CLCN4: variants seen among roughly 807,000 people sequenced by gnomAD.
CLCN4 encodes H(+)/Cl(-) exchange transporter 4.
CLCN4 carries 1 observed loss-of-function variant against 41.7 expected under a neutral mutation model. The ratio of observed to expected loss-of-function variants is 0.02; its 90% CI spans 0.01 to 0.11. The LOEUF (loss-of-function observed/expected upper bound fraction) is 0.11, where lower values mean the gene tolerates loss of function less well. Ranked by LOEUF, CLCN4 falls within the 10% of genes least tolerant of loss-of-function variation. The pLI is 1.00. For missense variants in CLCN4, 287 were observed against 661.0 expected (o/e 0.43, Z 6.20); for synonymous variants, 277 against 285.8 (o/e 0.97, Z 0.31).
intron 4 of CLCN4, among the ~76,000 whole-genome samples, chrX:10,189,410 A>G (rs1923898060): frequency 9.0e-6 from 1 of 111,394 alleles, no homozygotes; most frequent in Non-Finnish European, 1.9e-5. Flanking sequence ...CCCTGGCTTC[A>G]CTTAAACAGT....
Position 10,191,082 on chromosome X carries a change from T to G in CLCN4, c.244+3468T>G, listed in dbSNP as rs765450404. ...CCATTTAAAGTATACAATTCAGTGG[T>G]TTTTAATGTATCACAGAGTTGTACA... On this transcript the variant is annotated intron_variant, in intron 4 of 12. Coordinates refer to ENST00000380833, the MANE Select transcript of CLCN4 (RefSeq NM_001830.4). 2.7e-5 allele frequency among the ~76,000 whole-genome samples: 3 copies of G among 111,822 alleles called. No homozygotes were observed. The South Asian group carries it at 1.1e-3, about 42-fold the overall frequency.
In CLCN4 at chrX:10,219,423, C is replaced by T. The variant is rs1049785539; in HGVS notation, c.1976-1238C>T. ...TAGGAGAGAAGTACGTAGTATATATCGAACAGTCTACATTTGAAAACGCGT... is the reference window on the plus strand; with the variant it reads ...TAGGAGAGAAGTACGTAGTATATATTGAACAGTCTACATTTGAAAACGCGT... On this transcript the variant is annotated intron_variant, in intron 11 of 12. Transcript: ENST00000380833. 5.3e-5 allele frequency among the ~76,000 whole-genome samples: 6 copies of T among 112,192 alleles called. No individual in the cohort carries two copies. The East Asian group carries it at 1.1e-3, about 21-fold the overall frequency.
At chrX:10,206,273 C>A in intron 6 of CLCN4, 85 bp from the exon 7 acceptor site, 2 of 674,024 alleles carry the variant, frequency 3.0e-6, no homozygotes, top group Non-Finnish European at 4.7e-6. Context: ...AAACTTTGAA[C>A]GTGTCTCTCA....
At chrX:10,211,738 A>C (rs935850529) in intron 9 of CLCN4, among the ~76,000 whole-genome samples, 1 of 112,137 alleles carries the variant, frequency 8.9e-6, no homozygotes, top group Non-Finnish European at 1.9e-5. Flanking sequence ...CTTGTTCTAT[A>C]GTACATGTGT....
intron 2 of CLCN4, among the ~76,000 whole-genome samples, chrX:10,175,598 C>T (rs780016038): frequency 9.0e-5 from 10 of 111,582 alleles, no homozygotes; most frequent in Non-Finnish European, 1.5e-4. Flanking sequence ...TTTTAGCTGC[C>T]GTCTGACCAT....
intron 12 of CLCN4, among the ~76,000 whole-genome samples, chrX:10,231,653 T>A (rs1028564021): frequency 6.2e-5 from 7 of 112,050 alleles, no homozygotes; most frequent in African/African-American, 2.3e-4. Flanking sequence ...ATGATTCAGT[T>A]TGGCATAAGT....
At chrX:10,172,684 CGT>C (rs34697600) in intron 2 of CLCN4, among the ~76,000 whole-genome samples, 7 of 89,196 alleles carry the variant, frequency 7.8e-5, no homozygotes, top group African/African-American at 1.5e-4. Flanking sequence ...AGAGGGCATG[CGT>C]GTGTGTGTGT....
intron 12 of CLCN4, among the ~76,000 whole-genome samples, chrX:10,224,298 G>A (rs1323459327): frequency 1.1e-5 from 1 of 94,200 alleles, no homozygotes; most frequent in African/African-American, 4.4e-5. Context: ...GGTTCCGTGT[G>A]TGTGTGTGTG....
At chrX:10,221,732 C>T (rs1924867284) in intron 12 of CLCN4, among the ~76,000 whole-genome samples, 1 of 112,364 alleles carries the variant, frequency 8.9e-6, no homozygotes. Context: ...TATGTCACTT[C>T]ATCTTAAAAA....
At chrX:10,169,874 C>T (rs756695043) in intron 2 of CLCN4, among the ~76,000 whole-genome samples, 3 of 105,801 alleles carry the variant, frequency 2.8e-5, no homozygotes, top group Non-Finnish European at 1.9e-5. Flanking sequence ...CTGCAAGCTC[C>T]GCCTCCTGGA....
intron 2 of CLCN4, among the ~76,000 whole-genome samples, chrX:10,159,889 G>C (rs1923049533): frequency 9.0e-6 from 1 of 111,121 alleles, no homozygotes; most frequent in South Asian, 3.8e-4. Flanking sequence ...CTTTGTGACT[G>C]TGCAGCCTTG....
chrX:10,214,697 T>C (rs1296093739), intron 11 of CLCN4, among the ~76,000 whole-genome samples: 1 of 112,488 alleles, frequency 8.9e-6, no homozygotes, highest in Non-Finnish European at 1.9e-5. Context: ...TGTGTTTGAA[T>C]GACAATCAGC....
chrX:10,167,164 C>G (rs906385213), intron 2 of CLCN4, among the ~76,000 whole-genome samples: 1 of 112,125 alleles, frequency 8.9e-6, no homozygotes, highest in Non-Finnish European at 1.9e-5. Flanking sequence ...GAGCTTCCCC[C>G]TGTTTGAAAC....
At position 10,237,109 on chromosome X, in the gene CLCN4, A is replaced by C. The variant is rs765303249; in HGVS notation, c.*3525A>C. Reference sequence around the variant, plus strand: ...GTCCTTCCCAAAGACCTTACAAAGGAGATGTGTAAACTGATAGATTTTGAG... The same window carrying C: ...GTCCTTCCCAAAGACCTTACAAAGGCGATGTGTAAACTGATAGATTTTGAG... On this transcript the variant is annotated 3_prime_UTR_variant, in exon 13 of 13. Coordinates refer to ENST00000380833, the MANE Select transcript of CLCN4 (RefSeq NM_001830.4). 4 of 112,528 alleles carry C rather than the reference A, an allele frequency of 3.6e-5. No homozygotes were observed. Among genetic ancestry groups the C allele is most frequent in the Admixed American group, 2.8e-4 (3 of 10,644 alleles). 9.3% of individuals were successfully genotyped at this position (112,528 alleles called of 1,213,427 possible). A position where few individuals can be genotyped will look rare whatever the true frequency, so the allele number is the denominator to read the frequency against.
At chrX:10,230,706 A>G (rs1925106223) in intron 12 of CLCN4, among the ~76,000 whole-genome samples, 1 of 112,020 alleles carries the variant, frequency 8.9e-6, no homozygotes, top group Non-Finnish European at 1.9e-5. Flanking sequence ...GGATTATAAC[A>G]ACATTTAGGC....
intron 2 of CLCN4, among the ~76,000 whole-genome samples, chrX:10,165,895 G>A (rs1020756501): frequency 3.6e-5 from 4 of 111,925 alleles, no homozygotes; most frequent in African/African-American, 1.3e-4. Flanking sequence ...TCTCTTCACC[G>A]TGGCGTCCCG....
intron 6 of CLCN4, among the ~76,000 whole-genome samples, chrX:10,199,906 G>GT (rs202019962): frequency 0.02 from 2,200 of 111,001 alleles, 64 homozygotes; most frequent in African/African-American, 0.069. Context: ...TTGCGGATGT[G>GT]TACCACCATG....
rs1226845488 is a variant in CLCN4 at position 10,158,205 on chromosome X, T to C, written c.-274-84T>C. ...CTGTAATCCCTTTATTGCTAATTCT[T>C]TTGAAATCCTATTACTCGCTTGGAG... On this transcript the variant is annotated intron_variant, in intron 1 of 12. Transcript: ENST00000380833. 1.1e-5 allele frequency: 3 copies of C among 279,183 alleles called. No homozygotes were observed. The Admixed American group carries it at 1.9e-4, about 18-fold the overall frequency. The allele number at this position is 279,183 out of a possible 1,213,427, so 23.0% of individuals were successfully genotyped here. A position where few individuals can be genotyped will look rare whatever the true frequency, so the allele number is the denominator to read the frequency against.
chrX:10,220,367 C>T (rs918565073), intron 11 of CLCN4, among the ~76,000 whole-genome samples: 9 of 111,504 alleles, frequency 8.1e-5, no homozygotes, highest in East Asian at 2.8e-4. Context: ...TTGGGGTGCC[C>T]GGAGTCTGCG....
Sources: gnomAD v4.1 joint callset for allele counts (sites outside exome capture counted in the v4.1 genomes callset) on GRCh38, gnomAD v4.1.1 for gene constraint, MANE v1.5 for transcripts, NCBI Gene and HGNC (gene_info 2026-07-23, HGNC 2026-07-21) for gene names.